Variants in SLC39A11 observed in about 807,000 individuals in gnomAD.
SLC39A11 encodes solute carrier family 39 member 11.
SLC39A11 carries 33 observed loss-of-function variants against 36.1 expected under a neutral mutation model. The observed-to-expected ratio is 0.91, with a 90% CI of 0.69 to 1.22. The LOEUF (loss-of-function observed/expected upper bound fraction) is 1.22, where lower values mean the gene tolerates loss of function less well. SLC39A11 is among the 50% of genes most tolerant of loss of function. SLC39A11 has a pLI of 0.00. For synonymous variants in SLC39A11, 166 were observed against 170.3 expected, an observed-to-expected ratio of 0.97 and a Z score of 0.20; for missense variants, 432 against 430.3, an observed-to-expected ratio of 1.00 and a Z score of -0.03.
intron 6 of SLC39A11, among the ~76,000 whole-genome samples, chr17:72,812,211 C>T (rs7208541): frequency 0.07 from 10,699 of 152,166 alleles, 431 homozygotes; most frequent in Non-Finnish European, 0.083. Flanking sequence ...TTAGTGTAAC[C>T]AGAGATCCTT....
At chr17:72,698,346 G>C (rs1172659052) in intron 7 of SLC39A11, among the ~76,000 whole-genome samples, 1 of 151,772 alleles carries the variant, frequency 6.6e-6, no homozygotes, top group Non-Finnish European at 1.5e-5. Flanking sequence ...TTTCAGTGTG[G>C]TAAAGTTGGT....
At chr17:73,066,908 A>G (rs1253606853) in intron 3 of SLC39A11, among the ~76,000 whole-genome samples, 2 of 152,220 alleles carry the variant, frequency 1.3e-5, no homozygotes, top group African/African-American at 4.8e-5. Flanking sequence ...TGATCCCAAA[A>G]GTCCTAGCTA....
Position 73,002,619 on chromosome 17 carries a change from G to A in SLC39A11, c.306+28937C>T, listed in dbSNP as rs555928025. 3.9e-5 allele frequency among the ~76,000 whole-genome samples: 6 copies of A among 152,296 alleles called. No individual in the cohort carries two copies. In the East Asian group the frequency reaches 1.2e-3, roughly 29 times the overall value. The stretch of plus-strand genomic sequence containing the variant: ...GAGAGCAATGCCAGCTCCCCTGCAA[G>A]GCAAGAGGAAAGGCACACTATGGGG... On this transcript the variant is annotated intron_variant, in intron 4 of 9. Transcript: ENST00000255559.
In SLC39A11 at chr17:72,824,129, A is replaced by G. The variant is rs1056908430; in HGVS notation, c.601+25505T>C. 9.9e-5 allele frequency among the ~76,000 whole-genome samples: 15 copies of G among 151,112 alleles called. 2 individuals carry two copies. Among genetic ancestry groups the G allele is most frequent in the Admixed American group, 6.6e-5 (1 of 15,184 alleles). ...ATCTCATATCAAACTGTAATACCCA[A>G]TGTTGGAGGAGGGGCCCGGTGGGAG... On this transcript the variant is annotated intron_variant, in intron 6 of 9. Transcript: ENST00000255559.
chr17:72,810,090 A>C (rs1255002099), intron 6 of SLC39A11, among the ~76,000 whole-genome samples: 1 of 151,728 alleles, frequency 6.6e-6, no homozygotes, highest in African/African-American at 2.4e-5. Flanking sequence ...ACAACAAAAA[A>C]AAAAAAAAAG....
At chr17:73,065,240 A>T (rs2059964065) in intron 3 of SLC39A11, among the ~76,000 whole-genome samples, 1 of 152,036 alleles carries the variant, frequency 6.6e-6, no homozygotes, top group African/African-American at 2.4e-5. Flanking sequence ...CCTCGTCTCT[A>T]CTAAAAATAC....
intron 5 of SLC39A11, among the ~76,000 whole-genome samples, chr17:72,904,827 C>T (rs1007793328): frequency 1.3e-5 from 2 of 152,174 alleles, no homozygotes; most frequent in African/African-American, 4.8e-5. Context: ...CAGAACCTTT[C>T]CCCCTCCTGG....
chr17:73,091,584 A>AGTCTCAAGAGAAGAAAAAGTTTCC (rs1156698013), intron 1 of SLC39A11, among the ~76,000 whole-genome samples: 4 of 150,820 alleles, frequency 2.7e-5, no homozygotes, highest in Admixed American at 6.6e-5. Context: ...TTTTCTGCAG[A>AGTCTCAAGAGAAGAAAAAGTTTCC]GTCTCAAGAG....
rs71152202 is a variant in SLC39A11 at position 72,669,981 on chromosome 17, CATATATACGTATAGATGTATATACACAT to C, written c.672-20741_672-20714del. On this transcript the variant is annotated intron_variant, in intron 7 of 9. Transcript: ENST00000255559. Reference sequence around the variant, plus strand: ...ATATATACGTATAGATGTATATACACATATATACGTATAGATGTATATACACATATATATACGTATAGATGTATATACA... The same window carrying C: ...ATATATACGTATAGATGTATATACACATATATACGTATAGATGTATATACA... Among the ~76,000 whole-genome samples the C allele has an allele frequency of 2.7e-3, 335 of 124,662 alleles. 4 individuals are homozygous for C. Among genetic ancestry groups the C allele is most frequent in the South Asian group, 4.1e-3 (15 of 3,632 alleles). 81.8% of individuals were successfully genotyped at this position (124,662 alleles called of 152,430 possible). A position where few individuals can be genotyped will look rare whatever the true frequency, so the allele number is the denominator to read the frequency against.
intron 5 of SLC39A11, among the ~76,000 whole-genome samples, chr17:72,864,676 A>G (rs2080214288): frequency 6.6e-6 from 1 of 152,284 alleles, no homozygotes; most frequent in South Asian, 2.1e-4. Flanking sequence ...TGATGAACTC[A>G]CCACTTATAA....
chr17:72,814,999 TA>T (rs760412037), intron 6 of SLC39A11, among the ~76,000 whole-genome samples: 3 of 152,038 alleles, frequency 2.0e-5, no homozygotes, highest in Non-Finnish European at 2.9e-5. Context: ...GCAAGCAGGG[TA>T]GGGGGTAAAA....
At chr17:73,060,210 C>CAAAAAAAAAAA (rs33931672) in intron 3 of SLC39A11, among the ~76,000 whole-genome samples, 52 of 70,260 alleles carry the variant, frequency 7.4e-4, no homozygotes, top group Non-Finnish European at 1.0e-3. Context: ...AACTCCATCT[C>CAAAAAAAAAAA]AAAAAAAAAA....
intron 4 of SLC39A11, among the ~76,000 whole-genome samples, chr17:72,994,443 G>C (rs571868147): frequency 9.2e-5 from 14 of 152,168 alleles, no homozygotes; most frequent in South Asian, 8.3e-4. Flanking sequence ...CAGAATAGTG[G>C]TGACTTAGCA....
At chr17:73,056,201 C>T (rs2059664379) in intron 3 of SLC39A11, among the ~76,000 whole-genome samples, 1 of 151,722 alleles carries the variant, frequency 6.6e-6, no homozygotes, top group Non-Finnish European at 1.5e-5. Context: ...CGGAGTCTCG[C>T]TCTGTCACCC....
intron 7 of SLC39A11, among the ~76,000 whole-genome samples, chr17:72,670,186 CACACACACACACACACACACACACACAT>C (rs2070955143): frequency 7.3e-6 from 1 of 136,858 alleles, no homozygotes; most frequent in Non-Finnish European, 1.6e-5. Flanking sequence ...CACACACACA[CACACACACACACACACACACACACACAT>C]ATATATATAT....
chr17:72,987,182 C>T (rs1006692529), intron 4 of SLC39A11, among the ~76,000 whole-genome samples: 19 of 152,212 alleles, frequency 1.2e-4, no homozygotes, highest in African/African-American at 4.3e-4. Flanking sequence ...CACATCTGTT[C>T]CCCCTTCACC....
chr17:72,805,614 C>T (rs138308686), intron 6 of SLC39A11, among the ~76,000 whole-genome samples: 254 of 152,308 alleles, frequency 1.7e-3, no homozygotes, highest in Middle Eastern at 0.01. Context: ...TGCTTCCTTC[C>T]GTCCATGGGC....
intron 4 of SLC39A11, among the ~76,000 whole-genome samples, chr17:72,963,564 T>C (rs528307229): frequency 5.3e-5 from 8 of 152,312 alleles, no homozygotes; most frequent in Non-Finnish European, 1.0e-4. Context: ...TTCTAGCACG[T>C]TGACATTTCT....
intron 6 of SLC39A11, among the ~76,000 whole-genome samples, chr17:72,748,092 C>T (rs1031813137): frequency 6.6e-6 from 1 of 152,112 alleles, no homozygotes; most frequent in Non-Finnish European, 1.5e-5. Context: ...GAGGCCGAGG[C>T]GGGTGGATCA....
Sources: gnomAD v4.1 joint callset for allele counts (sites outside exome capture counted in the v4.1 genomes callset) on GRCh38, gnomAD v4.1.1 for gene constraint, MANE v1.5 for transcripts, NCBI Gene and HGNC (gene_info 2026-07-23, HGNC 2026-07-21) for gene names.